MASTL: variants seen among roughly 807,000 people sequenced by gnomAD.
MASTL encodes microtubule associated serine/threonine kinase like, also known as serine/threonine-protein kinase greatwall.
In MASTL, 54 loss-of-function variants were observed where a neutral mutation model predicts 82.5. The ratio of observed to expected loss-of-function variants is 0.65; its 90% CI spans 0.53 to 0.82. The LOEUF is 0.82. Ranked by LOEUF, MASTL falls within the 40% of genes least tolerant of loss-of-function variation. The probability of loss-of-function intolerance (pLI) is 0.00; values close to 1 mark genes in which losing one functional copy is unlikely to be tolerated. For synonymous variants in MASTL, 323 were observed against 368.9 expected (o/e 0.88, Z 1.43); for missense variants, 950 against 1,047.8 (o/e 0.91, Z 1.29).
At position 27,173,192 on chromosome 10, in the gene MASTL, T is replaced by G. The variant is rs1163598762; in HGVS notation, c.2199T>G (p.Val733=). ...GTGTGAGAAGAGGGGTGGCCCCCGT[T>G]GATGATGGGCGAATTCTAGGAACCC... ...PKSVRRGVAP[V]DDGRILGTPD... Residue 733 remains valine, a synonymous_variant, in exon 9 of 12, where the codon GTT becomes GTG. Transcript: ENST00000375940. 1 of 1,614,184 alleles carries G rather than the reference T, an allele frequency of 6.2e-7. No homozygotes were observed.
At chr10:27,166,237 T>G (rs185735120) in intron 6 of MASTL, among the ~76,000 whole-genome samples, 66 of 152,204 alleles carry the variant, frequency 4.3e-4, no homozygotes, top group Non-Finnish European at 6.3e-4. Context: ...ATTTATTTGC[T>G]TTATCCAGTA....
At chr10:27,181,428 CTAT>C (rs2058298810) in intron 10 of MASTL, 49 bp from the exon 11 acceptor site, 1 of 1,274,676 alleles carries the variant, frequency 7.8e-7, no homozygotes, top group African/African-American at 1.5e-5. Flanking sequence ...TCTCTGGATA[CTAT>C]TATTTTGAGC....
intron 5 of MASTL, 81 bp downstream of exon 5, chr10:27,165,251 AG>A: frequency 7.3e-7 from 1 of 1,378,486 alleles, no homozygotes; most frequent in East Asian, 2.3e-5. Context: ...TTAAAAAAAA[AG>A]ATCAAAATAG....
At chr10:27,180,339 G>A (rs1407271768) in intron 9 of MASTL, among the ~76,000 whole-genome samples, 5 of 152,180 alleles carry the variant, frequency 3.3e-5, no homozygotes, top group African/African-American at 1.2e-4. Context: ...CGCATGCTGC[G>A]CTGATAATGC....
At chr10:27,154,688 G>C (rs1006539455), upstream of MASTL, 28 of 201,856 alleles carry the variant, frequency 1.4e-4, no homozygotes, top group African/African-American at 6.0e-4. Context: ...TCCTGCCTCA[G>C]CCTCCCGAGT....
chr10:27,176,578 A>G (rs992816265), intron 9 of MASTL, among the ~76,000 whole-genome samples: 2 of 152,100 alleles, frequency 1.3e-5, no homozygotes, highest in East Asian at 1.9e-4. Flanking sequence ...GGTCTTCCCT[A>G]TTTTGCTTGT....
At chr10:27,166,369 G>C (rs1471777910) in intron 6 of MASTL, among the ~76,000 whole-genome samples, 2 of 152,156 alleles carry the variant, frequency 1.3e-5, no homozygotes, top group Non-Finnish European at 1.5e-5. Flanking sequence ...GTTGAATTGA[G>C]TAAATGTAGT....
intron 8 of MASTL, 122 bp downstream of exon 8, chr10:27,171,205 C>A: frequency 1.2e-6 from 1 of 861,876 alleles, no homozygotes. Context: ...TGTTGAGAAT[C>A]TGTGGGCTGT....
Position 27,161,092 on chromosome 10 carries a change from A to G in MASTL, c.465-2A>G. On this transcript the variant is annotated splice_acceptor_variant, in intron 3 of 11. Transcript: ENST00000375940. LOFTEE classifies it high-confidence loss of function. ...TCTAATATTTGCCTTTTGTGTGTGC[A>G]GGGACTTGAAACCGGACAATATGCT... is the stretch of plus-strand genomic sequence containing the variant. The G allele has an allele frequency of 2.5e-6, 4 of 1,605,604 alleles. No homozygotes were observed. Among genetic ancestry groups the G allele is most frequent in the Non-Finnish European group, 3.4e-6 (4 of 1,172,286 alleles).
In MASTL at chr10:27,159,879, T is replaced by C. The variant is rs2057511166; in HGVS notation, c.464+121T>C. The C allele has an allele frequency of 6.1e-6, 5 of 821,340 alleles. No homozygotes were observed. The South Asian group carries it at 7.2e-5, about 12-fold the overall frequency. 50.9% of individuals were successfully genotyped at this position (821,340 alleles called of 1,614,324 possible). A position where few individuals can be genotyped will look rare whatever the true frequency, so the allele number is the denominator to read the frequency against. Reference sequence around the variant, plus strand: ...TTCCAGGTTATCTAAAGTTTACTAGTAACTTGTATTCATTTAGAAATTAAC... The same window carrying C: ...TTCCAGGTTATCTAAAGTTTACTAGCAACTTGTATTCATTTAGAAATTAAC... On this transcript the variant is annotated intron_variant, in intron 3 of 11. Transcript: ENST00000375940. This position sits in a 1 kb window ranked among gnomAD's most constrained non-coding sequence, Gnocchi z 4.0.
chr10:27,154,790 G>C (rs2057297697), upstream of MASTL: 1 of 158,498 alleles, frequency 6.3e-6, no homozygotes, highest in Non-Finnish European at 1.4e-5. Context: ...ACTGGGCCTT[G>C]AGCAATAAGG....
At chr10:27,160,005 C>T (rs1342445885) in intron 3 of MASTL, among the ~76,000 whole-genome samples, 1 of 151,128 alleles carries the variant, frequency 6.6e-6, no homozygotes, top group African/African-American at 2.4e-5. Context: ...TTATTTTTTT[C>T]TTTGTTGAGA....
At chr10:27,160,852 AACCAATGAT>A (rs1181672528) in intron 3 of MASTL, among the ~76,000 whole-genome samples, 2 of 152,192 alleles carry the variant, frequency 1.3e-5, no homozygotes, top group African/African-American at 4.8e-5. Context: ...TGGAATATCT[AACCAATGAT>A]ACCAAAGATA....
intron 8 of MASTL, 67 bp downstream of exon 8, chr10:27,171,150 T>G: frequency 7.4e-7 from 1 of 1,345,936 alleles, no homozygotes; most frequent in Non-Finnish European, 1.1e-6. Context: ...GACATTTGCC[T>G]CTAAGCTAGA....
intron 9 of MASTL, among the ~76,000 whole-genome samples, chr10:27,178,105 A>C (rs1172827488): frequency 6.6e-6 from 1 of 152,112 alleles, no homozygotes; most frequent in Non-Finnish European, 1.5e-5. Flanking sequence ...ACAAATATTA[A>C]AAATGGCTGG....
chr10:27,163,140 C>T (rs996993567), intron 4 of MASTL, among the ~76,000 whole-genome samples: 1 of 152,136 alleles, frequency 6.6e-6, no homozygotes, highest in Non-Finnish European at 1.5e-5. Flanking sequence ...TGGTCTCGAG[C>T]TCCTGACCTC....
chr10:27,158,458 G>A, intron 1 of MASTL, 91 bp from the exon 2 acceptor site: 1 of 1,042,690 alleles, frequency 9.6e-7, no homozygotes, highest in Non-Finnish European at 1.5e-6. Flanking sequence ...AATAAGCTTT[G>A]ATCATGCCAC....
Position 27,173,527 on chromosome 10 carries a change from C to G in MASTL, c.2266+268C>G, listed in dbSNP as rs528098288. Among the ~76,000 whole-genome samples the G allele has an allele frequency of 3.3e-5, 5 of 151,950 alleles. No homozygotes were observed. In the East Asian group the frequency reaches 7.7e-4, roughly 24 times the overall value. ...GTTCAGTCTCAATGTTCCAGAGAAG[C>G]CCCACCTGCCACCCTTGATATTATC... On this transcript the variant is annotated intron_variant, in intron 9 of 11. Coordinates refer to ENST00000375940, the MANE Select transcript of MASTL (RefSeq NM_001172303.3).
upstream of MASTL, chr10:27,154,505 G>T (rs1170098764): frequency 3.9e-6 from 2 of 518,462 alleles, no homozygotes; most frequent in African/African-American, 1.9e-5. Flanking sequence ...AAGGAGCAGC[G>T]CCCCCAAAGG....
Sources: gnomAD v4.1 joint callset for allele counts (sites outside exome capture counted in the v4.1 genomes callset) on GRCh38, gnomAD v4.1.1 for gene constraint, Gnocchi (gnomAD v3.1) non-coding constraint, MANE v1.5 for transcripts, NCBI Gene and HGNC (gene_info 2026-07-23, HGNC 2026-07-21) for gene names.